BTBD2: variants seen among roughly 807,000 people sequenced by gnomAD.
The protein encoded by BTBD2 is BTB/POZ domain-containing protein 2.
BTBD2 carries 15 observed loss-of-function variants against 44.0 expected under a neutral mutation model. That is an observed-to-expected ratio of 0.34 (90% confidence interval 0.23 to 0.53). BTBD2 has a LOEUF of 0.53. BTBD2 is among the 20% of genes least tolerant of loss of function. The pLI is 0.95. For missense variants in BTBD2, 657 were observed against 746.4 expected (o/e 0.88, Z 1.39); for synonymous variants, 443 against 335.9 (o/e 1.32, Z -3.49).
At chr19:1,995,812 T>C (rs1016707149) in intron 2 of BTBD2, among the ~76,000 whole-genome samples, 1 of 151,792 alleles carries the variant, frequency 6.6e-6, no homozygotes, top group Non-Finnish European at 1.5e-5. Flanking sequence ...AATTTTCTTA[T>C]TTTTTATTTA....
At chr19:2,003,828 C>G (rs1386700479) in intron 1 of BTBD2, among the ~76,000 whole-genome samples, 3 of 150,924 alleles carry the variant, frequency 2.0e-5, no homozygotes, top group Non-Finnish European at 4.4e-5. Flanking sequence ...ATCTCTGGAC[C>G]CCAAAATCAC....
Position 1,990,663 on chromosome 19 carries a change from C to T in BTBD2, c.790+54G>A, listed in dbSNP as rs1442910970. On this transcript the variant is annotated intron_variant, in intron 4 of 8. Coordinates refer to ENST00000255608, the MANE Select transcript of BTBD2 (RefSeq NM_017797.4). ...AAAGCTCCCACTGTCAATCCCCGGA[C>T]CCTCCCGCCGAGGCCCCGCTGGGAT... is the stretch of plus-strand genomic sequence containing the variant. 5 of 1,479,324 alleles carry T rather than the reference C, an allele frequency of 3.4e-6. No individual in the cohort carries two copies. The African/African-American group carries it at 4.2e-5, about 12-fold the overall frequency. 91.6% of individuals were successfully genotyped at this position (1,479,324 alleles called of 1,614,324 possible).
intron 1 of BTBD2, chr19:2,013,415 AC>A: frequency 1.4e-6 from 1 of 728,836 alleles, no homozygotes; most frequent in Non-Finnish European, 1.7e-6. Context: ...GGAGGGAGGG[AC>A]CCCGGAGCTG....
intron 2 of BTBD2, 68 bp downstream of exon 2, chr19:1,997,276 G>A (rs1332208789): frequency 6.2e-7 from 1 of 1,603,688 alleles, no homozygotes; most frequent in Non-Finnish European, 8.5e-7. Flanking sequence ...TGTCAGACAG[G>A]GTCTACGTTC....
At chr19:2,005,315 GT>G (rs2145645012) in intron 1 of BTBD2, among the ~76,000 whole-genome samples, 1 of 151,488 alleles carries the variant, frequency 6.6e-6, no homozygotes, top group African/African-American at 2.4e-5. Flanking sequence ...TGACCCTGAC[GT>G]TTAACATTTT....
At chr19:1,999,241 G>A (rs1599354774) in intron 1 of BTBD2, among the ~76,000 whole-genome samples, 1 of 152,276 alleles carries the variant, frequency 6.6e-6, no homozygotes, top group African/African-American at 2.4e-5. Context: ...CATGGGCCCC[G>A]ACCACAGCTT....
At chr19:2,004,773 G>A (rs1201538960) in intron 1 of BTBD2, among the ~76,000 whole-genome samples, 6 of 150,870 alleles carry the variant, frequency 4.0e-5, no homozygotes, top group Non-Finnish European at 8.9e-5. Flanking sequence ...GAGCCCAGGA[G>A]TTTGAGACCA....
intron 1 of BTBD2, among the ~76,000 whole-genome samples, chr19:2,011,211 C>T (rs940082205): frequency 5.9e-5 from 9 of 152,084 alleles, no homozygotes; most frequent in South Asian, 2.1e-4. Context: ...CAGCCCCCCA[C>T]GCCCTCACCT....
chr19:1,994,800 C>A (rs953577644), intron 2 of BTBD2, among the ~76,000 whole-genome samples: 1 of 152,090 alleles, frequency 6.6e-6, no homozygotes, highest in African/African-American at 2.4e-5. Context: ...TCTCTCCCAG[C>A]CTGTGGGTGG....
At chr19:2,000,770 C>A (rs1296912429) in intron 1 of BTBD2, among the ~76,000 whole-genome samples, 2 of 152,236 alleles carry the variant, frequency 1.3e-5, no homozygotes, top group Non-Finnish European at 2.9e-5. Context: ...CGATTCCCAA[C>A]TCCGAACGGG....
At chr19:1,995,948 C>T (rs892599610) in intron 2 of BTBD2, among the ~76,000 whole-genome samples, 1 of 152,090 alleles carries the variant, frequency 6.6e-6, no homozygotes, top group Non-Finnish European at 1.5e-5. Flanking sequence ...AGCCACCGTG[C>T]CCAGCCTGGA....
In BTBD2 at chr19:1,990,221, G is replaced by A. The variant is rs1310600001; in HGVS notation, c.791-20C>T. The A allele has an allele frequency of 5.1e-6, 8 of 1,575,138 alleles. No homozygotes were observed. Among genetic ancestry groups the A allele is most frequent in the Middle Eastern group, 1.7e-4 (1 of 6,030 alleles). Reference sequence around the variant, plus strand: ...GCGTGTCTGTGGGGTGGAGGAAGGGGCTGCGTGAACACGACACCCACATGC... The same window carrying A: ...GCGTGTCTGTGGGGTGGAGGAAGGGACTGCGTGAACACGACACCCACATGC... On this transcript the variant is annotated intron_variant, in intron 4 of 8. Coordinates refer to ENST00000255608, the MANE Select transcript of BTBD2 (RefSeq NM_017797.4).
chr19:2,013,421 G>A (rs1568224655), intron 1 of BTBD2: 3 of 793,676 alleles, frequency 3.8e-6, no homozygotes, highest in East Asian at 1.3e-4. Flanking sequence ...AGGGACCCCG[G>A]AGCTGGGGGT....
At chr19:1,993,541 GT>G (rs1400917446) in intron 2 of BTBD2, among the ~76,000 whole-genome samples, 1 of 151,956 alleles carries the variant, frequency 6.6e-6, no homozygotes, top group East Asian at 1.9e-4. Flanking sequence ...GGAACTGTTG[GT>G]TCCCCACCTC....
chr19:1,993,456 T>G (rs2145626927), intron 2 of BTBD2, among the ~76,000 whole-genome samples: 1 of 152,142 alleles, frequency 6.6e-6, no homozygotes, highest in East Asian at 1.9e-4. Flanking sequence ...ATATGGCCTG[T>G]CTTGTTCTGC....
chr19:1,994,248 G>T (rs1041573391), intron 2 of BTBD2, among the ~76,000 whole-genome samples: 1 of 151,008 alleles, frequency 6.6e-6, no homozygotes, highest in Admixed American at 6.6e-5. Context: ...CCCAGGAGGC[G>T]GAGGTTGCAG....
intron 1 of BTBD2, among the ~76,000 whole-genome samples, chr19:1,999,746 G>A (rs988337506): frequency 8.6e-5 from 13 of 151,676 alleles, no homozygotes; most frequent in Admixed American, 2.6e-4. Flanking sequence ...AAATCACCTG[G>A]GGTCAGGAGT....
chr19:1,986,741 G>A, intron 8 of BTBD2, 89 bp downstream of exon 8: 60 of 1,574,896 alleles, frequency 3.8e-5, no homozygotes, highest in Non-Finnish European at 5.2e-5. Flanking sequence ...GGCCAGGGTG[G>A]CTGCCTCTGG....
chr19:2,013,038 G>A (rs1032786330), intron 1 of BTBD2, among the ~76,000 whole-genome samples: 7 of 152,198 alleles, frequency 4.6e-5, no homozygotes, highest in African/African-American at 1.7e-4. Context: ...GGACGACAGA[G>A]ACAGGGACGG....
Sources: gnomAD v4.1 joint callset for allele counts (sites outside exome capture counted in the v4.1 genomes callset) on GRCh38, gnomAD v4.1.1 for gene constraint, MANE v1.5 for transcripts, NCBI Gene and HGNC (gene_info 2026-07-23, HGNC 2026-07-21) for gene names.